The following OTOG variants were observed in gnomAD, a reference collection of about 807,000 sequenced individuals.
The protein encoded by OTOG is otogelin.
OTOG carries 296 observed loss-of-function variants against 313.8 expected under a neutral mutation model. That is an observed-to-expected ratio of 0.94 (90% CI 0.86 to 1.04). OTOG has a LOEUF of 1.04. OTOG is among the 50% of genes least tolerant of loss of function. OTOG has a pLI of 0.00. For synonymous variants in OTOG, 1,533 were observed against 1,554.9 expected, an observed-to-expected ratio of 0.99 and a Z score of 0.33; for missense variants, 3,948 against 3,840.1, an observed-to-expected ratio of 1.03 and a Z score of -0.74.
intron 7 of OTOG, among the ~76,000 whole-genome samples, chr11:17,556,836 A>G (rs546986425): frequency 3.2e-4 from 48 of 152,312 alleles, no homozygotes; most frequent in Middle Eastern, 3.4e-3. Context: ...AAAATAAAGC[A>G]GATGTTTGTT....
intron 23 of OTOG, among the ~76,000 whole-genome samples, chr11:17,584,444 G>A (rs1852746422): frequency 6.6e-6 from 1 of 151,862 alleles, no homozygotes; most frequent in Non-Finnish European, 1.5e-5. Context: ...TTTTGCAAAT[G>A]ATCTTTATCA....
At chr11:17,576,712 T>G (rs1852536007) in intron 21 of OTOG, 82 bp downstream of exon 21, 2 of 1,463,862 alleles carry the variant, frequency 1.4e-6, no homozygotes, top group Non-Finnish European at 1.9e-6. Flanking sequence ...GATGGAACTT[T>G]CTGTGAAGGG....
intron 39 of OTOG, among the ~76,000 whole-genome samples, chr11:17,618,612 T>C (rs1853786601): frequency 6.6e-6 from 1 of 152,238 alleles, no homozygotes; most frequent in African/African-American, 2.4e-5. Context: ...TTACTAATTT[T>C]CTATCTGTTT....
chr11:17,634,229 G>A lies in OTOG; in HGVS notation c.7428G>A (p.Glu2476=), dbSNP rs1468862384. The A allele has an allele frequency of 1.3e-6, 2 of 1,550,428 alleles. No homozygotes were observed. The highest frequency in any genetic ancestry group is 1.7e-6 in the Non-Finnish European group (2 of 1,146,968). The stretch of plus-strand genomic sequence containing the variant: ...CTGAGAGCTGCCTGCGATTCGGGGA[G>A]GTGGCCTTGCTCCTACCCACCAAGG... ...PRPESCLRFG[E]VALLLPTKDP... The change falls in exon 44 of 56, where the codon GAG becomes GAA. Residue 2476 remains glutamate, a synonymous_variant. Coordinates refer to ENST00000399397, the MANE Select transcript of OTOG (RefSeq NM_001292063.2).
In OTOG at chr11:17,633,894, G is replaced by C. The variant is rs781417174; in HGVS notation, c.7267+20G>C. On this transcript the variant is annotated intron_variant, in intron 43 of 55. Coordinates refer to ENST00000399397, the MANE Select transcript of OTOG (RefSeq NM_001292063.2). ...AGTGCGGTAGGTTCCTCCCCTCCCT[G>C]AGTGGGGGGCCTCCAAAGCCAGCCT... 1.0e-4 allele frequency: 158 copies of C among 1,511,476 alleles called. No individual in the cohort carries two copies. Among genetic ancestry groups the C allele is most frequent in the Non-Finnish European group, 1.4e-4 (153 of 1,128,838 alleles). The allele number at this position is 1,511,476 out of a possible 1,614,324, so 93.6% of individuals were successfully genotyped here.
intron 43 of OTOG, 52 bp downstream of exon 43, chr11:17,633,926 C>T (rs554511419): frequency 1.7e-5 from 26 of 1,490,954 alleles, no homozygotes; most frequent in Middle Eastern, 2.4e-4. Flanking sequence ...GCCTCAGCCT[C>T]GCCTCCTGCT....
intron 10 of OTOG, 47 bp from the exon 11 acceptor site, chr11:17,559,005 G>T: frequency 7.0e-7 from 1 of 1,435,806 alleles, no homozygotes; most frequent in South Asian, 1.2e-5. Flanking sequence ...GTGGGCTGGT[G>T]GCACTTTGGG....
chr11:17,586,338 G>A (rs909375326), intron 23 of OTOG, 136 bp from the exon 24 acceptor site: 1 of 419,904 alleles, frequency 2.4e-6, no homozygotes, highest in Non-Finnish European at 4.2e-6. Flanking sequence ...AGGATGGGGA[G>A]TGAATACACA....
rs959447697 is a variant in OTOG, at chr11:17,641,832, C to G, written c.8191-15C>G. 1.9e-6 allele frequency: 3 copies of G among 1,540,362 alleles called. No individual in the cohort carries two copies. The highest frequency in any genetic ancestry group is 4.9e-5 in the East Asian group (2 of 40,804). On this transcript the variant is annotated splice_polypyrimidine_tract_variant and intron_variant, in intron 51 of 55. Transcript: ENST00000399397. ...GTGGGCATCTGGCTGAGGCCCACCC[C>G]GCCCTGGCCTGTAGAACCAGGAGTA...
At position 17,574,729 on chromosome 11, in the gene OTOG, G is replaced by C. The variant is rs1281861694; in HGVS notation, c.2303G>C (p.Cys768Ser). 3.0e-5 allele frequency: 46 copies of C among 1,550,428 alleles called. No homozygotes were observed. Among genetic ancestry groups the C allele is most frequent in the Middle Eastern group, 1.7e-4 (1 of 6,012 alleles). Reference protein sequence around the residue: ...RARLPACALSCEASKEYSPCV... With the variant: ...RARLPACALSSEASKEYSPCV... ...TCCCCCCTCACTGCAGCACTGTCCT[G>C]TGAGGCCTCCAAGGAGTATAGCCCC... Residue 768 changes from cysteine to serine, a missense_variant, in exon 20 of 56, where the codon TGT becomes TCT. Transcript: ENST00000399397.
intron 37 of OTOG, 40 bp downstream of exon 37, chr11:17,612,370 G>A (rs1380008590): frequency 3.4e-6 from 5 of 1,492,204 alleles, no homozygotes; most frequent in Non-Finnish European, 4.5e-6. Context: ...CATCCTCCCT[G>A]TATCCTTACC....
chr11:17,613,243 CTTTCTT>C (rs1853629830), intron 38 of OTOG, among the ~76,000 whole-genome samples: 1 of 128,992 alleles, frequency 7.8e-6, no homozygotes, highest in African/African-American at 3.2e-5. Context: ...TTCTTTCTTT[CTTTCTT>C]TCTTTCTTTC....
At chr11:17,595,884 A>G (rs752150182) in intron 28 of OTOG, among the ~76,000 whole-genome samples, 154 bp from the exon 29 acceptor site, 1 of 152,196 alleles carries the variant, frequency 6.6e-6, no homozygotes, top group Non-Finnish European at 1.5e-5. Context: ...GAGGCAAGGT[A>G]TAGGTCCCTT....
chr11:17,549,792 C>T (rs1307715572), intron 3 of OTOG, among the ~76,000 whole-genome samples: 1 of 152,120 alleles, frequency 6.6e-6, no homozygotes, highest in African/African-American at 2.4e-5. Context: ...GGAGGTTTCT[C>T]ACGCTGCTCC....
chr11:17,638,521 C>T lies in OTOG; in HGVS notation c.7866C>T (p.Pro2622=), dbSNP rs200566292. 1,169 of 1,550,446 alleles carry T rather than the reference C, an allele frequency of 7.5e-4. 1 individual carries two copies. Among genetic ancestry groups the T allele is most frequent in the Non-Finnish European group, 9.4e-4 (1,082 of 1,146,982 alleles). ...CTGCCCTGGTGGAGGTGTGGAGCCC[C>T]GACCGCTGCTGCCCCTACAAATCCT... is the stretch of plus-strand genomic sequence containing the variant. The part of the protein sequence containing the change: ...LGTALVEVWS[P]DRCCPYKSCE... Residue 2622 remains proline, a synonymous_variant, in exon 48 of 56, where the codon CCC becomes CCT. Transcript: ENST00000399397.
intron 15 of OTOG, among the ~76,000 whole-genome samples, chr11:17,566,157 A>T (rs1432638926): frequency 6.6e-6 from 1 of 152,134 alleles, no homozygotes; most frequent in Non-Finnish European, 1.5e-5. Flanking sequence ...AGATACCAAA[A>T]TCTGCAGATG....
intron 14 of OTOG, among the ~76,000 whole-genome samples, 194 bp from the exon 15 acceptor site, chr11:17,561,467 AC>A (rs1852181255): frequency 1.3e-5 from 2 of 151,524 alleles, no homozygotes; most frequent in African/African-American, 4.9e-5. Context: ...GCAGGGCTGT[AC>A]CTCTCTTCAA....
intron 30 of OTOG, among the ~76,000 whole-genome samples, chr11:17,597,487 C>T (rs1853140957): frequency 6.6e-6 from 1 of 152,202 alleles, no homozygotes; most frequent in Non-Finnish European, 1.5e-5. Flanking sequence ...CCTTTGTCAG[C>T]TGAGGTTTGC....
intron 4 of OTOG, among the ~76,000 whole-genome samples, 168 bp downstream of exon 4, chr11:17,552,243 T>C (rs1028753134): frequency 1.2e-4 from 19 of 152,176 alleles, no homozygotes; most frequent in African/African-American, 4.3e-4. Context: ...CCATTTGGCA[T>C]TCTCCTCCCT....
Sources: gnomAD v4.1 joint callset for allele counts (sites outside exome capture counted in the v4.1 genomes callset) on GRCh38, gnomAD v4.1.1 for gene constraint, MANE v1.5 for transcripts, NCBI Gene and HGNC (gene_info 2026-07-23, HGNC 2026-07-21) for gene names.